Variants in BRWD1 observed in about 807,000 individuals in gnomAD.
The protein encoded by BRWD1 is bromodomain and WD repeat domain containing 1.
Under a neutral mutation model 251.2 loss-of-function variants are expected in BRWD1, and 82 were observed. The ratio of observed to expected loss-of-function variants is 0.33; its 90% CI spans 0.27 to 0.39. The LOEUF (loss-of-function observed/expected upper bound fraction) is 0.39, where lower values mean the gene tolerates loss of function less well. BRWD1 is among the 10% of genes least tolerant of loss of function. BRWD1 has a pLI of 1.00. For synonymous variants in BRWD1, 918 were observed against 902.8 expected (o/e 1.02, Z -0.30); for missense variants, 2,233 against 2,711.6 (o/e 0.82, Z 3.92).
chr21:39,285,871 C>CA (rs113834787), intron 8 of BRWD1, among the ~76,000 whole-genome samples: 46,707 of 101,718 alleles, frequency 0.46, 9,399 homozygotes, highest in East Asian at 0.52. Context: ...GCCCAGTCAA[C>CA]AAAAAAAAAA....
In BRWD1 at chr21:39,212,877, G is replaced by GA. The variant is rs879675993; in HGVS notation, c.3859-171dup. On this transcript the variant is annotated intron_variant, in intron 33 of 40. Transcript: ENST00000342449. Reference sequence around the variant, plus strand: ...GATGATCTTTGTGGCACCCAGGCTTGAAAAAAAAAAATCATTCTTAATAAT... The same window carrying GA: ...GATGATCTTTGTGGCACCCAGGCTTGAAAAAAAAAAAATCATTCTTAATAAT... Among the ~76,000 whole-genome samples, 528 of 145,390 alleles carry GA rather than the reference G, an allele frequency of 3.6e-3. 2 individuals carry two copies. The highest frequency in any genetic ancestry group is 5.3e-3 in the Non-Finnish European group (347 of 65,872).
rs1294724280 is a variant in BRWD1 at position 39,306,072 on chromosome 21, CT to C, written c.198+6768del. On this transcript the variant is annotated intron_variant, in intron 4 of 40. Transcript: ENST00000342449. ...ATTGAGACTAGTTATCTTTAAGTAT[CT>C]TTTTTTTTTTTTTTTGAGACCGAGT... Among the ~76,000 whole-genome samples, 345 of 136,352 alleles carry C rather than the reference CT, an allele frequency of 2.5e-3. 1 individual carries two copies. The highest frequency in any genetic ancestry group is 7.7e-3 in the Middle Eastern group (2 of 260). 89.5% of individuals were successfully genotyped at this position (136,352 alleles called of 152,430 possible).
chr21:39,203,311 G>A (rs2032201697), intron 37 of BRWD1, among the ~76,000 whole-genome samples: 1 of 152,000 alleles, frequency 6.6e-6, no homozygotes, highest in African/African-American at 2.4e-5. Context: ...AATTAGCTGG[G>A]CATAGTTGTG....
Position 39,188,205 on chromosome 21 carries a change from G to T in BRWD1, c.*8054C>A. 4 of 985,362 alleles carry T rather than the reference G, an allele frequency of 4.1e-6. No homozygotes were observed. Among genetic ancestry groups the T allele is most frequent in the Non-Finnish European group, 3.6e-6 (3 of 829,892 alleles). 61.0% of individuals were successfully genotyped at this position (985,362 alleles called of 1,614,324 possible). ...GTGATATTCCTTTTACGTATCTGAA[G>T]TTCACGGGCCCTTGAATTTTAGGTC... On this transcript the variant is annotated 3_prime_UTR_variant, in exon 41 of 41. Transcript: ENST00000342449.
At chr21:39,291,190 A>G (rs1025488303) in intron 8 of BRWD1, among the ~76,000 whole-genome samples, 3 of 152,202 alleles carry the variant, frequency 2.0e-5, no homozygotes, top group Admixed American at 6.5e-5. Flanking sequence ...TTCTTTGAGA[A>G]TACTGACTAG....
At position 39,311,937 on chromosome 21, in the gene BRWD1, G is replaced by A. The variant is rs530059918; in HGVS notation, c.198+904C>T. On this transcript the variant is annotated intron_variant, in intron 4 of 40. Coordinates refer to ENST00000342449, the MANE Select transcript of BRWD1 (RefSeq NM_033656.4). ...CAAGTGTTACAGGTCTTCCAACTGT[G>A]GTAAAAGATCACTCAGAAGCTCTTT... Among the ~76,000 whole-genome samples the A allele has an allele frequency of 5.3e-5, 8 of 152,098 alleles. 1 individual carries two copies. The South Asian group carries it at 1.2e-3, about 24-fold the overall frequency.
At chr21:39,247,893 A>T in intron 20 of BRWD1, 61 bp from the exon 21 acceptor site, 2 of 1,453,864 alleles carry the variant, frequency 1.4e-6, no homozygotes, top group Non-Finnish European at 9.1e-7. Flanking sequence ...ATATCAACAA[A>T]ATGGGCATTC....
intron 36 of BRWD1, among the ~76,000 whole-genome samples, chr21:39,207,622 T>C (rs2032468412): frequency 6.6e-6 from 1 of 152,042 alleles, no homozygotes; most frequent in African/African-American, 2.4e-5. Flanking sequence ...AAACATGAAT[T>C]ATCCCATGAC....
intron 27 of BRWD1, 131 bp from the exon 28 acceptor site, chr21:39,225,328 C>A: frequency 1.6e-6 from 1 of 610,046 alleles, no homozygotes; most frequent in Non-Finnish European, 2.9e-6. Flanking sequence ...AAGCAGCGCT[C>A]CTAAACAAAC....
intron 8 of BRWD1, among the ~76,000 whole-genome samples, chr21:39,291,678 C>T (rs2035811545): frequency 1.3e-5 from 2 of 152,220 alleles, no homozygotes; most frequent in Admixed American, 1.3e-4. Context: ...AGGACCAATC[C>T]TAACCCTGAG....
chr21:39,246,285 A>G (rs2034186355), intron 21 of BRWD1, among the ~76,000 whole-genome samples: 1 of 152,244 alleles, frequency 6.6e-6, no homozygotes, highest in Non-Finnish European at 1.5e-5. Flanking sequence ...ATTACTGGTC[A>G]TTAGGGAAAT....
rs2031348480 is a variant in BRWD1 at position 39,188,104 on chromosome 21, T to C, written c.*8155A>G. The C allele has an allele frequency of 1.0e-5, 10 of 985,316 alleles. No individual in the cohort carries two copies. The highest frequency in any genetic ancestry group is 1.7e-5 in the African/African-American group (1 of 57,244). The allele number at this position is 985,316 out of a possible 1,614,324, so 61.0% of individuals were successfully genotyped here. A position where few individuals can be genotyped will look rare whatever the true frequency, so the allele number is the denominator to read the frequency against. On this transcript the variant is annotated 3_prime_UTR_variant, in exon 41 of 41. Coordinates refer to ENST00000342449, the MANE Select transcript of BRWD1 (RefSeq NM_033656.4). ...GACCAAACTTAGGAGGGCTCAGATA[T>C]GTTTGTTACCAGTGTCTCAAAGCCA...
intron 4 of BRWD1, among the ~76,000 whole-genome samples, chr21:39,303,265 TC>T (rs939460415): frequency 2.0e-5 from 3 of 152,076 alleles, no homozygotes; most frequent in Admixed American, 2.0e-4. Context: ...ACACCTGTAA[TC>T]CCAGCACTTT....
At position 39,186,026 on chromosome 21, in the gene BRWD1, A is replaced by C. The variant is rs2031210324; in HGVS notation, c.*10233T>G. 6.6e-6 allele frequency: 1 copy of C among 152,228 alleles called. No homozygotes were observed. The allele number at this position is 152,228 out of a possible 1,614,324, so 9.4% of individuals were successfully genotyped here. On this transcript the variant is annotated 3_prime_UTR_variant, in exon 41 of 41. Transcript: ENST00000342449. Reference sequence around the variant, plus strand: ...GTACAGGCCACAATGAAATAGGCCAAACATGCTACCATTAAAGTTTGTTGG... The same window carrying C: ...GTACAGGCCACAATGAAATAGGCCACACATGCTACCATTAAAGTTTGTTGG...
In BRWD1 at chr21:39,278,832, C is replaced by A; in HGVS notation, c.933-19G>T. ...ACGTGGGCTTTAAAAGAAGAAGATGCTGCTTTAAAATAGATTATTTTACCA... is the reference window on the plus strand; with the variant it reads ...ACGTGGGCTTTAAAAGAAGAAGATGATGCTTTAAAATAGATTATTTTACCA... On this transcript the variant is annotated intron_variant, in intron 9 of 40. Coordinates refer to ENST00000342449, the MANE Select transcript of BRWD1 (RefSeq NM_033656.4). 6.4e-7 allele frequency: 1 copy of A among 1,560,542 alleles called. No individual in the cohort carries two copies.
intron 27 of BRWD1, 89 bp downstream of exon 27, chr21:39,228,411 T>C: frequency 1.2e-6 from 1 of 829,114 alleles, no homozygotes; most frequent in South Asian, 1.6e-5. Flanking sequence ...TTGTATATAC[T>C]ATAATTAAGA....
At chr21:39,264,228 T>C (rs1307144624) in intron 17 of BRWD1, among the ~76,000 whole-genome samples, 3 of 152,088 alleles carry the variant, frequency 2.0e-5, no homozygotes, top group African/African-American at 7.2e-5. Flanking sequence ...AACGTCCTAA[T>C]TGTCATAAGT....
At chr21:39,225,294 C>T (rs1007953512) in intron 27 of BRWD1, 97 bp from the exon 28 acceptor site, 3 of 612,600 alleles carry the variant, frequency 4.9e-6, no homozygotes, top group South Asian at 3.8e-5. Context: ...ATAAAAAAGC[C>T]AAAAGCACAA....
At chr21:39,203,563 C>T (rs2032230348) in intron 37 of BRWD1, among the ~76,000 whole-genome samples, 1 of 150,512 alleles carries the variant, frequency 6.6e-6, no homozygotes, top group Non-Finnish European at 1.5e-5. Flanking sequence ...CCCACCACCA[C>T]GCCCGGCTAA....
Sources: gnomAD v4.1 joint callset for allele counts (sites outside exome capture counted in the v4.1 genomes callset) on GRCh38, gnomAD v4.1.1 for gene constraint, MANE v1.5 for transcripts, NCBI Gene and HGNC (gene_info 2026-07-23, HGNC 2026-07-21) for gene names.